CSMD3: variants seen among roughly 807,000 people sequenced by gnomAD.
The protein encoded by CSMD3 is CUB and sushi domain-containing protein 3.
In CSMD3, 177 loss-of-function variants were observed where a neutral mutation model predicts 435.2. The observed-to-expected ratio is 0.41, with a 90% CI of 0.36 to 0.46. The LOEUF is 0.46. Among genes scored for constraint, CSMD3 ranks in the 20% least tolerant of loss-of-function variants. The probability of loss-of-function intolerance (pLI) is 0.34; values close to 1 mark genes in which losing one functional copy is unlikely to be tolerated. For missense variants in CSMD3, 4,265 were observed against 4,504.6 expected (o/e 0.95, Z 1.52); for synonymous variants, 1,656 against 1,520.5 (o/e 1.09, Z -2.07).
At chr8:112,388,658 G>A (rs1830161448) in intron 36 of CSMD3, among the ~76,000 whole-genome samples, 1 of 152,154 alleles carries the variant, frequency 6.6e-6, no homozygotes, top group South Asian at 2.1e-4. Flanking sequence ...ATGTCCAGTG[G>A]GCAGTCGGAC....
intron 32 of CSMD3, among the ~76,000 whole-genome samples, chr8:112,469,536 G>A (rs569635939): frequency 6.6e-6 from 1 of 152,202 alleles, no homozygotes; most frequent in Admixed American, 6.5e-5. Flanking sequence ...TCTTCCCATG[G>A]GATGGTTTCA....
intron 9 of CSMD3, among the ~76,000 whole-genome samples, chr8:112,937,964 A>G (rs1224934269): frequency 6.6e-6 from 1 of 152,168 alleles, no homozygotes; most frequent in Non-Finnish European, 1.5e-5. Context: ...ATTTTATTCA[A>G]GTCAAATGAG....
chr8:112,341,622 A>T lies in CSMD3; in HGVS notation c.6507T>A (p.Ser2169Arg), dbSNP rs2130993097. Reference protein sequence around the residue: ...ETIHDYLEVRSGSSETSTVIG... With the variant: ...ETIHDYLEVRRGSSETSTVIG... ...TAACAGTACTAGTTTCTGAGGATCC[A>T]CTTCGTACTTCCAAATAATCATGTA... is the stretch of plus-strand genomic sequence containing the variant. Residue 2169 changes from serine to arginine, a missense_variant, in exon 42 of 71, where the codon AGT (serine) becomes AGA (arginine). Coordinates refer to ENST00000297405, the MANE Select transcript of CSMD3 (RefSeq NM_198123.2). The T allele has an allele frequency of 6.2e-7, 1 of 1,613,394 alleles. No homozygotes were observed. Among genetic ancestry groups the T allele is most frequent in the Non-Finnish European group, 8.5e-7 (1 of 1,179,392 alleles).
At chr8:112,308,202 C>T (rs1264821998) in intron 50 of CSMD3, among the ~76,000 whole-genome samples, 1 of 152,000 alleles carries the variant, frequency 6.6e-6, no homozygotes, top group African/African-American at 2.4e-5. Flanking sequence ...TCCCTGATGT[C>T]TGATAAAGCA....
chr8:112,540,810 C>T (rs1202543935), intron 27 of CSMD3, among the ~76,000 whole-genome samples: 1 of 151,612 alleles, frequency 6.6e-6, no homozygotes, highest in Non-Finnish European at 1.5e-5. Flanking sequence ...GAAGAGGGTA[C>T]AAAAATACAG....
intron 10 of CSMD3, among the ~76,000 whole-genome samples, chr8:112,867,749 CA>C (rs1280385467): frequency 6.6e-6 from 1 of 151,988 alleles, no homozygotes; most frequent in African/African-American, 2.4e-5. Context: ...GGGCACTTAC[CA>C]TGAATAGAGT....
intron 13 of CSMD3, among the ~76,000 whole-genome samples, chr8:112,694,471 T>A (rs1283143555): frequency 6.6e-6 from 1 of 152,150 alleles, no homozygotes; most frequent in Non-Finnish European, 1.5e-5. Context: ...TTATCTTGGG[T>A]TTAGTGTTGA....
At chr8:112,234,224 A>T in intron 68 of CSMD3, 141 bp downstream of exon 68, 1 of 559,234 alleles carries the variant, frequency 1.8e-6, no homozygotes, top group African/African-American at 1.9e-5. Context: ...TGTACTTTAG[A>T]ATACTAAATA....
chr8:113,074,474 T>A (rs545670019), intron 5 of CSMD3, among the ~76,000 whole-genome samples: 5 of 152,046 alleles, frequency 3.3e-5, no homozygotes, highest in Admixed American at 6.6e-5. Context: ...ACCAGGTTTT[T>A]AAATAGTATG....
intron 28 of CSMD3, among the ~76,000 whole-genome samples, chr8:112,507,666 T>C (rs540375299): frequency 6.6e-6 from 1 of 152,300 alleles, no homozygotes; most frequent in Non-Finnish European, 1.5e-5. Context: ...ATAAGGGAAA[T>C]TAAATTTTTT....
intron 67 of CSMD3, 103 bp from the exon 68 acceptor site, chr8:112,234,580 A>T (rs982769109): frequency 2.8e-5 from 21 of 755,892 alleles, no homozygotes; most frequent in Non-Finnish European, 3.7e-5. Context: ...ATATGTAATT[A>T]AAAAAAGAAA....
intron 5 of CSMD3, among the ~76,000 whole-genome samples, chr8:113,064,674 A>C (rs1248431078): frequency 6.6e-6 from 1 of 152,178 alleles, no homozygotes; most frequent in South Asian, 2.1e-4. Context: ...GAGAGAGCTG[A>C]TTCTGTTCAT....
chr8:113,194,851 A>G (rs1270896846), intron 3 of CSMD3, among the ~76,000 whole-genome samples: 1 of 151,272 alleles, frequency 6.6e-6, no homozygotes, highest in African/African-American at 2.4e-5. Flanking sequence ...ACAAACAAGT[A>G]GCTTTCACAT....
intron 24 of CSMD3, among the ~76,000 whole-genome samples, chr8:112,572,776 G>A (rs1405293971): frequency 6.6e-6 from 1 of 151,970 alleles, no homozygotes; most frequent in Non-Finnish European, 1.5e-5. Flanking sequence ...TAATTTATTA[G>A]CAAAGAATCC....
intron 3 of CSMD3, among the ~76,000 whole-genome samples, chr8:113,197,007 T>C (rs561079250): frequency 1.3e-5 from 2 of 151,378 alleles, no homozygotes; most frequent in East Asian, 3.9e-4. Context: ...ATGGTCTATG[T>C]CTACTTTGTC....
chr8:113,355,541 C>T (rs191342473), intron 1 of CSMD3, among the ~76,000 whole-genome samples: 25 of 151,564 alleles, frequency 1.6e-4, no homozygotes, highest in African/African-American at 5.8e-4. Flanking sequence ...AAGGTTCCTA[C>T]CCTTGTAACC....
At chr8:112,466,340 G>A (rs982037398) in intron 32 of CSMD3, among the ~76,000 whole-genome samples, 4 of 152,008 alleles carry the variant, frequency 2.6e-5, no homozygotes, top group Admixed American at 2.6e-4. Flanking sequence ...AAAATTGGTG[G>A]CAATAAATGA....
chr8:113,026,073 A>C (rs1233881659), intron 5 of CSMD3, among the ~76,000 whole-genome samples: 1 of 152,106 alleles, frequency 6.6e-6, no homozygotes, highest in East Asian at 1.9e-4. Flanking sequence ...TAGGCTCCTC[A>C]CTCTGGAGCA....
Position 112,689,934 on chromosome 8 carries a change from T to G in CSMD3, c.2089A>C (p.Ile697Leu), listed in dbSNP as rs1343681958. The G allele has an allele frequency of 6.2e-7, 1 of 1,613,408 alleles. No individual in the cohort carries two copies. The highest frequency in any genetic ancestry group is 1.7e-5 in the Admixed American group (1 of 59,980). Reference protein sequence around the residue: ...RFECQFGFELIGEKSIVCQEN... With the variant: ...RFECQFGFELLGEKSIVCQEN... ...TGACAAACAATGGATTTCTCTCCAA[T>G]TAATTCAAACCCAAACTGGCATTCA... The change falls in exon 14 of 71, where the codon ATT (isoleucine) becomes CTT (leucine). Residue 697 changes from isoleucine (I) to leucine (L), a missense_variant. Transcript: ENST00000297405.
Sources: allele counts gnomAD v4.1 joint callset (sites outside exome capture counted in the v4.1 genomes callset), GRCh38; gene constraint gnomAD v4.1.1; transcripts MANE v1.5; gene names NCBI Gene and HGNC (gene_info 2026-07-23, HGNC 2026-07-21).